The following PRDM11 variants were observed in gnomAD, a reference collection of about 807,000 sequenced individuals.
PRDM11 encodes the protein PR/SET domain 11.
In PRDM11, 20 loss-of-function variants were observed where a neutral mutation model predicts 97.8. The observed-to-expected ratio is 0.20, with a 90% CI of 0.14 to 0.30. PRDM11 has a LOEUF of 0.30. Among genes scored for constraint, PRDM11 ranks in the 10% least tolerant of loss-of-function variants. PRDM11 has a pLI of 1.00. For synonymous variants in PRDM11, 599 were observed against 637.7 expected (o/e 0.94, Z 0.91); for missense variants, 1,139 against 1,555.2 (o/e 0.73, Z 4.50).
At chr11:45,149,708 G>A (rs1336363170) in intron 1 of PRDM11, among the ~76,000 whole-genome samples, 3 of 152,228 alleles carry the variant, frequency 2.0e-5, no homozygotes, top group East Asian at 1.9e-4. Flanking sequence ...GTAGTAAGGC[G>A]GGATGGTGGT....
chr11:45,178,095 C>G (rs1284054716), intron 1 of PRDM11, among the ~76,000 whole-genome samples: 1 of 151,926 alleles, frequency 6.6e-6, no homozygotes, highest in South Asian at 2.1e-4. Flanking sequence ...TTATATGCCT[C>G]GGTCCTTCTC....
intron 1 of PRDM11, among the ~76,000 whole-genome samples, chr11:45,141,638 T>C (rs777091938): frequency 6.6e-6 from 1 of 152,054 alleles, no homozygotes; most frequent in Non-Finnish European, 1.5e-5. Flanking sequence ...GGTAAAGACA[T>C]TGCTCCCCAA....
intron 5 of PRDM11, among the ~76,000 whole-genome samples, chr11:45,208,378 C>A (rs923463469): frequency 1.3e-5 from 2 of 152,150 alleles, no homozygotes; most frequent in Admixed American, 6.5e-5. Context: ...GTTACGTATT[C>A]TTCCGAGCCA....
chr11:45,114,745 T>C (rs1040912532), intron 1 of PRDM11, among the ~76,000 whole-genome samples: 1 of 151,848 alleles, frequency 6.6e-6, no homozygotes, highest in Non-Finnish European at 1.5e-5. Context: ...AACACTTGCA[T>C]GAAGAATGAA....
chr11:45,141,988 G>A, upstream of PRDM11, among the ~76,000 whole-genome samples: 1 of 152,140 alleles, frequency 6.6e-6, no homozygotes. Flanking sequence ...ACTGGAAGGG[G>A]AATCAGATGC....
At chr11:45,209,290 C>T in intron 5 of PRDM11, 1 of 363,008 alleles carries the variant, frequency 2.8e-6, no homozygotes, top group Non-Finnish European at 5.5e-6. Context: ...AGCCCTTCGA[C>T]CAGCTGTGAG....
intron 5 of PRDM11, among the ~76,000 whole-genome samples, chr11:45,211,100 C>G (rs899915303): frequency 1.3e-5 from 2 of 152,200 alleles, no homozygotes; most frequent in Non-Finnish European, 2.9e-5. Flanking sequence ...CGGCCAGGGG[C>G]TTGGCAGAAC....
chr11:45,128,583 C>A (rs955233749), intron 1 of PRDM11, among the ~76,000 whole-genome samples: 10 of 132,160 alleles, frequency 7.6e-5, no homozygotes, highest in African/African-American at 2.3e-4. Flanking sequence ...TGAACAAATT[C>A]TTTGAAAACA....
chr11:45,226,566 C>T lies in PRDM11; in HGVS notation c.1941C>T (p.Asp647=). The change falls in exon 8 of 8, where the codon GAC becomes GAT. Residue 647 remains aspartate, a synonymous_variant. Coordinates refer to ENST00000683152, the MANE Select transcript of PRDM11 (RefSeq NM_001384648.1). The stretch of plus-strand genomic sequence containing the variant: ...ACATCGCCCGGGCCCTGCGGGAAGA[C>T]CTGGTGGAGCGCATCCGCCAGTCAC... ...IHHIARALRE[D]LVERIRQSPC... is the part of the protein sequence containing the mutation. 1 of 1,533,944 alleles carries T rather than the reference C, an allele frequency of 6.5e-7. No individual in the cohort carries two copies. The highest frequency in any genetic ancestry group is 2.4e-5 in the East Asian group (1 of 40,906).
intron 1 of PRDM11, among the ~76,000 whole-genome samples, chr11:45,122,970 G>T (rs565791651): frequency 6.6e-6 from 1 of 152,130 alleles, no homozygotes; most frequent in Non-Finnish European, 1.5e-5. Flanking sequence ...CAGTGTAAAA[G>T]TGTTCCTATT....
At chr11:45,104,538 T>A (rs969123081) in intron 1 of PRDM11, among the ~76,000 whole-genome samples, 3 of 152,036 alleles carry the variant, frequency 2.0e-5, no homozygotes, top group Admixed American at 1.3e-4. Context: ...CAAGAGCCTC[T>A]CCATTTTGCA....
chr11:45,102,617 G>C (rs1011481366), intron 1 of PRDM11, among the ~76,000 whole-genome samples: 2 of 152,060 alleles, frequency 1.3e-5, no homozygotes, highest in African/African-American at 4.8e-5. Flanking sequence ...CAGTCCATTA[G>C]GTCCAGCCCC....
At chr11:45,119,639 A>C (rs1050418232) in intron 1 of PRDM11, among the ~76,000 whole-genome samples, 3 of 146,474 alleles carry the variant, frequency 2.0e-5, no homozygotes, top group Admixed American at 1.4e-4. Context: ...AAAAAAAAAA[A>C]AAAAAAAAAA....
rs1382296981 is a variant in PRDM11, at chr11:45,232,284, C to G, written c.*4125C>G. 2 of 152,232 alleles carry G rather than the reference C, an allele frequency of 1.3e-5. No individual in the cohort carries two copies. The highest frequency in any genetic ancestry group is 2.1e-4 in the South Asian group (1 of 4,828). 9.4% of individuals were successfully genotyped at this position (152,232 alleles called of 1,614,324 possible). The stretch of plus-strand genomic sequence containing the variant: ...TGCCATGTTACTTGATCACCTGGAG[C>G]CTGATGGGACCCAGGAGGTGGCCTG... On this transcript the variant is annotated 3_prime_UTR_variant, in exon 8 of 8. Coordinates refer to ENST00000683152, the MANE Select transcript of PRDM11 (RefSeq NM_001384648.1).
At chr11:45,196,537 C>T (rs554381358) in intron 4 of PRDM11, among the ~76,000 whole-genome samples, 3 of 152,338 alleles carry the variant, frequency 2.0e-5, no homozygotes, top group African/African-American at 4.8e-5. Context: ...ATCTCTCTCT[C>T]ACCCTTGCCC....
At chr11:45,209,230 C>A (rs1042261584) in intron 5 of PRDM11, 5 of 416,552 alleles carry the variant, frequency 1.2e-5, no homozygotes, top group Non-Finnish European at 2.4e-5. Flanking sequence ...GCGCTGCTCA[C>A]GGCCCGTGCA....
At position 45,156,942 on chromosome 11, in the gene PRDM11, G is replaced by A. The variant is rs571643512; in HGVS notation, c.-7+10065G>A. On this transcript the variant is annotated intron_variant, in intron 1 of 7. Coordinates refer to ENST00000683152, the MANE Select transcript of PRDM11 (RefSeq NM_001384648.1). ...CCCCATGGTTCAGGAATGGCAAGCGGTCATGGGTGTTTAGAGAAGCAGTGG... is the reference window on the plus strand; with the variant it reads ...CCCCATGGTTCAGGAATGGCAAGCGATCATGGGTGTTTAGAGAAGCAGTGG... Among the ~76,000 whole-genome samples the A allele has an allele frequency of 2.2e-4, 33 of 152,316 alleles. 1 individual carries two copies. The South Asian group carries it at 3.9e-3, about 18-fold the overall frequency.
At chr11:45,175,140 G>A (rs1162631859) in intron 1 of PRDM11, among the ~76,000 whole-genome samples, 4 of 152,170 alleles carry the variant, frequency 2.6e-5, no homozygotes, top group Admixed American at 1.3e-4. Context: ...TTGAAACATC[G>A]TTATCAACCA....
At chr11:45,159,138 C>T (rs192955589) in intron 1 of PRDM11, among the ~76,000 whole-genome samples, 8 of 152,314 alleles carry the variant, frequency 5.3e-5, no homozygotes, top group Admixed American at 5.2e-4. Flanking sequence ...GGCTCCCCTG[C>T]CCTCCCTGAG....
Sources: gnomAD v4.1 joint callset for allele counts (sites outside exome capture counted in the v4.1 genomes callset) on GRCh38, gnomAD v4.1.1 for gene constraint, MANE v1.5 for transcripts, NCBI Gene and HGNC (gene_info 2026-07-23, HGNC 2026-07-21) for gene names.